FRMPD4: variants seen among roughly 807,000 people sequenced by gnomAD.
The protein encoded by FRMPD4 is FERM and PDZ domain containing 4.
A neutral mutation model predicts 94.1 loss-of-function variants in FRMPD4; 22 were observed. That is an observed-to-expected ratio of 0.23 (90% confidence interval 0.17 to 0.33). The LOEUF (loss-of-function observed/expected upper bound fraction) is 0.33, where lower values mean the gene tolerates loss of function less well. FRMPD4 is among the 10% of genes least tolerant of loss of function. FRMPD4 has a pLI of 1.00. For synonymous variants in FRMPD4, 631 were observed against 548.6 expected (o/e 1.15, Z -2.10); for missense variants, 1,111 against 1,339.9 (o/e 0.83, Z 2.67).
At chrX:12,415,635 A>G (rs972114832) in intron 1 of FRMPD4, among the ~76,000 whole-genome samples, 5 of 111,649 alleles carry the variant, frequency 4.5e-5, no homozygotes, top group Admixed American at 3.8e-4. Context: ...CTATTTAAAT[A>G]TGATTATTAA....
rs747182723 is a variant in FRMPD4 at position 11,877,954 on chromosome X, C to A, written c.31C>A (p.Gln11Lys). Among the ~76,000 whole-genome samples the A allele has an allele frequency of 2.7e-5, 3 of 112,163 alleles. No homozygotes were observed. Among genetic ancestry groups the A allele is most frequent in the East Asian group, 5.6e-4 (2 of 3,572 alleles). Residue 11 changes from glutamine to lysine, a missense_variant, in exon 3 of 19, where the codon CAG becomes AAG. Gln to Lys is a moderately conservative substitution (Grantham distance 53). Transcript: ENST00000640291. ...GGAGGACCTTGAAGGAGAAAACTGG[C>A]AGACCTTCTCCATTCCCTGGTGCTT...
At chrX:12,317,276 C>T (rs955604613) in intron 1 of FRMPD4, among the ~76,000 whole-genome samples, 1 of 111,424 alleles carries the variant, frequency 9.0e-6, no homozygotes, top group Non-Finnish European at 1.9e-5. Context: ...TATACAAAAT[C>T]AAATCAAAAT....
chrX:11,898,949 G>T (rs186350251), intron 3 of FRMPD4, among the ~76,000 whole-genome samples: 1 of 112,301 alleles, frequency 8.9e-6, no homozygotes, highest in East Asian at 2.8e-4. Flanking sequence ...AGGGCTAAAA[G>T]GTTGTTTCAC....
intron 1 of FRMPD4, among the ~76,000 whole-genome samples, chrX:12,264,178 C>A (rs2054238982): frequency 9.0e-6 from 1 of 111,690 alleles, no homozygotes; most frequent in Non-Finnish European, 1.9e-5. Flanking sequence ...AGAAGAACAA[C>A]TTTGCAGTAA....
intron 1 of FRMPD4, among the ~76,000 whole-genome samples, chrX:12,387,844 G>A (rs1337817918): frequency 1.8e-5 from 2 of 108,870 alleles, no homozygotes; most frequent in Non-Finnish European, 3.8e-5. Context: ...GATTTGTCTC[G>A]GTTGTGGTCT....
intron 1 of FRMPD4, among the ~76,000 whole-genome samples, chrX:12,310,615 A>G (rs2055016946): frequency 8.9e-6 from 1 of 112,403 alleles, no homozygotes; most frequent in African/African-American, 3.2e-5. Context: ...TTCATAGGGA[A>G]TGTATTCATA....
chrX:12,520,550 G>T (rs1009741060), intron 2 of FRMPD4, among the ~76,000 whole-genome samples: 1 of 111,550 alleles, frequency 9.0e-6, no homozygotes, highest in Non-Finnish European at 1.9e-5. Flanking sequence ...GTGCATGCCA[G>T]TGCCACTGTC....
At chrX:12,689,302 A>G (rs755522978) in intron 7 of FRMPD4, among the ~76,000 whole-genome samples, 5 of 111,986 alleles carry the variant, frequency 4.5e-5, no homozygotes, top group South Asian at 7.5e-4. Flanking sequence ...TTGCTGACAA[A>G]GCTTGCTCAT....
intron 1 of FRMPD4, among the ~76,000 whole-genome samples, chrX:12,211,112 A>G (rs2056751591): frequency 8.9e-6 from 1 of 112,334 alleles, no homozygotes; most frequent in Non-Finnish European, 1.9e-5. Flanking sequence ...AATATGACAG[A>G]GTTGGACTGA....
chrX:12,388,091 G>A (rs886854385), intron 1 of FRMPD4, among the ~76,000 whole-genome samples: 10 of 111,086 alleles, frequency 9.0e-5, no homozygotes, highest in African/African-American at 3.3e-4. Context: ...AAACTTCCGG[G>A]GAGAACTGGG....
In FRMPD4 at chrX:12,397,509, A is replaced by G. The variant is rs764370068; in HGVS notation, c.42-101171A>G. ...AACTAGACCATTTTGGAAAATGGAT[A>G]GCGAGGTCAGGTTTTTATTGTAGCG... On this transcript the variant is annotated intron_variant, in intron 1 of 16. Coordinates refer to ENST00000675598, the MANE Select transcript of FRMPD4 (RefSeq NM_001368397.1). 7.1e-5 allele frequency among the ~76,000 whole-genome samples: 8 copies of G among 112,364 alleles called. No individual in the cohort carries two copies. The South Asian group carries it at 1.5e-3, about 21-fold the overall frequency.
chrX:12,604,054 A>G (rs1002686387), intron 2 of FRMPD4, among the ~76,000 whole-genome samples: 2 of 110,467 alleles, frequency 1.8e-5, no homozygotes, highest in Middle Eastern at 4.6e-3. Context: ...AGCAAAGATG[A>G]CAACACTAGA....
intron 1 of FRMPD4, among the ~76,000 whole-genome samples, chrX:12,344,683 A>G (rs1307827580): frequency 2.1e-4 from 24 of 112,412 alleles, no homozygotes; most frequent in Non-Finnish European, 5.6e-5. Context: ...AAGAGCATTT[A>G]TCTTTTTGTA....
chrX:12,142,951 T>TACATAC (rs747520236), intron 1 of FRMPD4, among the ~76,000 whole-genome samples: 6 of 112,221 alleles, frequency 5.3e-5, no homozygotes, highest in Admixed American at 4.7e-4. Context: ...TCTCCCCCTT[T>TACATAC]ACATACACAT....
chrX:11,965,103 G>A (rs1379025571), intron 3 of FRMPD4, among the ~76,000 whole-genome samples: 2 of 112,511 alleles, frequency 1.8e-5, no homozygotes, highest in African/African-American at 3.2e-5. Flanking sequence ...CACCTGATTA[G>A]CGAATTTGAT....
At chrX:12,389,942 T>G (rs1237411885) in intron 1 of FRMPD4, among the ~76,000 whole-genome samples, 4 of 112,148 alleles carry the variant, frequency 3.6e-5, no homozygotes, top group Non-Finnish European at 7.5e-5. Flanking sequence ...TGTGCTGAGA[T>G]TTAACCCTAG....
At chrX:12,669,869 A>G (rs1316748301) in intron 4 of FRMPD4, among the ~76,000 whole-genome samples, 1 of 112,359 alleles carries the variant, frequency 8.9e-6, no homozygotes, top group African/African-American at 3.2e-5. Context: ...AACTCATTAG[A>G]GACTTCTGAC....
chrX:12,390,314 T>C (rs897245147), intron 1 of FRMPD4, among the ~76,000 whole-genome samples: 2 of 112,658 alleles, frequency 1.8e-5, no homozygotes, highest in African/African-American at 6.4e-5. Context: ...ATTGCAGATA[T>C]GAAGTTTTTC....
intron 1 of FRMPD4, among the ~76,000 whole-genome samples, chrX:12,303,629 C>T (rs182705877): frequency 1.6e-3 from 177 of 111,528 alleles, no homozygotes; most frequent in Middle Eastern, 0.015. Flanking sequence ...ACTAGAGAAA[C>T]ATTATTTAGG....
Sources: gnomAD v4.1 joint callset for allele counts (sites outside exome capture counted in the v4.1 genomes callset) on GRCh38, gnomAD v4.1.1 for gene constraint, MANE v1.5 for transcripts, NCBI Gene and HGNC (gene_info 2026-07-23, HGNC 2026-07-21) for gene names.